The following SYNE1 variants were observed in gnomAD, a reference collection of about 807,000 sequenced individuals.
SYNE1 encodes the protein nesprin-1.
A neutral mutation model predicts 1,111.0 loss-of-function variants in SYNE1; 616 were observed. The observed-to-expected ratio is 0.55, with a 90% CI of 0.52 to 0.59. The LOEUF (loss-of-function observed/expected upper bound fraction) is 0.59, where lower values mean the gene tolerates loss of function less well. SYNE1 is among the 20% of genes least tolerant of loss of function. SYNE1 has a pLI of 0.00. For synonymous variants in SYNE1, 3,855 were observed against 3,825.8 expected, an observed-to-expected ratio of 1.01 and a Z score of -0.28; for missense variants, 10,006 against 10,417.0, an observed-to-expected ratio of 0.96 and a Z score of 1.72.
intron 3 of SYNE1, among the ~76,000 whole-genome samples, chr6:152,599,646 T>C (rs993043420): frequency 1.1e-4 from 17 of 152,204 alleles, no homozygotes; most frequent in Admixed American, 8.5e-4. Context: ...ACTATAAAAC[T>C]GCTCATTATG....
intron 11 of SYNE1, among the ~76,000 whole-genome samples, chr6:152,492,471 C>T (rs952421863): frequency 1.3e-5 from 2 of 152,224 alleles, no homozygotes; most frequent in African/African-American, 2.4e-5. Context: ...ACCTTCTCCC[C>T]CAGGATCTTG....
At chr6:152,571,446 G>A (rs1391553028) in intron 3 of SYNE1, among the ~76,000 whole-genome samples, 1 of 152,148 alleles carries the variant, frequency 6.6e-6, no homozygotes, top group East Asian at 1.9e-4. Context: ...ACATGTATAT[G>A]AATCCTGTAG....
At chr6:152,168,760 C>T in intron 130 of SYNE1, among the ~76,000 whole-genome samples, 1 of 152,074 alleles carries the variant, frequency 6.6e-6, no homozygotes. Flanking sequence ...AAAGTACATG[C>T]TCTTTATCTT....
In SYNE1 at chr6:152,326,003, C is replaced by A; in HGVS notation, c.15393G>T (p.Lys5131Asn). The A allele has an allele frequency of 6.2e-7, 1 of 1,614,120 alleles. No individual in the cohort carries two copies. ...EKKLSEFSLLKTSSSHEAEEK... is the reference protein window; with the variant it reads ...EKKLSEFSLLNTSSSHEAEEK... ...CTTCCGCTTCATGACTAGACGAAGT[C>A]TTCAACAAAGAAAACTCAGACAATT... The change falls in exon 80 of 146, where the codon AAG becomes AAT. Residue 5131 changes from lysine (K) to asparagine (N), a missense_variant. Lys to Asn is a moderately conservative substitution (Grantham distance 94, BLOSUM62 0). Around this residue, in one of 7 missense-constraint regions of SYNE1, gnomAD observed 4,955 missense variants for 5,017.2 expected, o/e 0.99. Coordinates refer to ENST00000367255, the MANE Select transcript of SYNE1 (RefSeq NM_182961.4).
intron 3 of SYNE1, among the ~76,000 whole-genome samples, chr6:152,549,079 T>G (rs182236427): frequency 6.6e-6 from 1 of 152,216 alleles, no homozygotes; most frequent in Non-Finnish European, 1.5e-5. Context: ...ACCTTGGATC[T>G]TCAAGCTCAG....
chr6:152,463,560 A>G, intron 18 of SYNE1, 43 bp from the exon 19 acceptor site: 1 of 1,512,494 alleles, frequency 6.6e-7, no homozygotes, highest in Non-Finnish European at 9.2e-7. Flanking sequence ...CATAAACCAA[A>G]TATCAGTGAC....
intron 23 of SYNE1, 30 bp downstream of exon 23, chr6:152,455,856 C>A: frequency 6.2e-7 from 1 of 1,613,804 alleles, no homozygotes. Flanking sequence ...TTCCCTGGCT[C>A]ACAGCTCTAA....
At chr6:152,304,484 G>A (rs1233536724) in intron 91 of SYNE1, among the ~76,000 whole-genome samples, 2 of 152,162 alleles carry the variant, frequency 1.3e-5, no homozygotes, top group South Asian at 4.2e-4. Flanking sequence ...ATAGGCACGC[G>A]CCACCATGCC....
Position 152,283,973 on chromosome 6 carries a change from G to A in SYNE1, c.18207+5C>T, listed in dbSNP as rs2094178336. ...TGAGGAGGCCACTTTACAGTTATTGGTTACCTCCAAAAGCTGCCGTTTCCC... is the reference window on the plus strand; with the variant it reads ...TGAGGAGGCCACTTTACAGTTATTGATTACCTCCAAAAGCTGCCGTTTCCC... On this transcript the variant is annotated splice_donor_5th_base_variant and intron_variant, in intron 96 of 145. Coordinates refer to ENST00000367255, the MANE Select transcript of SYNE1 (RefSeq NM_182961.4). The A allele has an allele frequency of 1.9e-6, 3 of 1,613,152 alleles. No individual in the cohort carries two copies. The highest frequency in any genetic ancestry group is 1.3e-5 in the African/African-American group (1 of 74,908).
chr6:152,624,727 C>A (rs2099682487), intron 3 of SYNE1, among the ~76,000 whole-genome samples: 1 of 152,148 alleles, frequency 6.6e-6, no homozygotes. Context: ...TTCAGTATCC[C>A]AGCCTAAAAC....
chr6:152,362,067 T>A lies in SYNE1; in HGVS notation c.10299+103A>T. The A allele has an allele frequency of 2.0e-6, 3 of 1,504,144 alleles. No homozygotes were observed. In the South Asian group the frequency reaches 3.4e-5, roughly 17 times the overall value. The allele number at this position is 1,504,144 out of a possible 1,614,324, so 93.2% of individuals were successfully genotyped here. On this transcript the variant is annotated intron_variant, in intron 64 of 145. Transcript: ENST00000367255. ...CTAAAAGCCCCAAACGTAATTTGCT[T>A]ATGTGCACTGCCCTAGGGTACACGT...
intron 73 of SYNE1, among the ~76,000 whole-genome samples, chr6:152,345,619 AT>A (rs1158585959): frequency 1.3e-5 from 2 of 151,876 alleles, no homozygotes; most frequent in East Asian, 1.9e-4. Flanking sequence ...GTCACTCAGA[AT>A]TTTTTTTATT....
intron 38 of SYNE1, 137 bp from the exon 39 acceptor site, chr6:152,425,684 T>C (rs935810586): frequency 1.9e-5 from 19 of 990,788 alleles, no homozygotes; most frequent in African/African-American, 3.2e-5. Flanking sequence ...AAGAGAGTTT[T>C]TATTACTTGA....
chr6:152,187,966 T>A (rs1268836584), intron 128 of SYNE1, among the ~76,000 whole-genome samples: 1 of 152,172 alleles, frequency 6.6e-6, no homozygotes, highest in Non-Finnish European at 1.5e-5. Flanking sequence ...CCTCAGGTGA[T>A]CCACCCGCCT....
chr6:152,230,191 C>G (rs1459097350), intron 115 of SYNE1, among the ~76,000 whole-genome samples: 1 of 152,092 alleles, frequency 6.6e-6, no homozygotes, highest in South Asian at 2.1e-4. Context: ...AGCACCACCA[C>G]GTCTGGCTGA....
chr6:152,341,459 C>T (rs1402106849), intron 74 of SYNE1, among the ~76,000 whole-genome samples: 1 of 152,238 alleles, frequency 6.6e-6, no homozygotes, highest in Non-Finnish European at 1.5e-5. Flanking sequence ...TCTTATAGTA[C>T]TTTTTCCCAT....
At chr6:152,389,812 T>C (rs2097580020) in intron 53 of SYNE1, among the ~76,000 whole-genome samples, 1 of 152,188 alleles carries the variant, frequency 6.6e-6, no homozygotes, top group African/African-American at 2.4e-5. Flanking sequence ...TATTCCCTCG[T>C]CACTGTGACA....
At chr6:152,561,863 A>G (rs538039136) in intron 3 of SYNE1, among the ~76,000 whole-genome samples, 1 of 152,332 alleles carries the variant, frequency 6.6e-6, no homozygotes, top group East Asian at 1.9e-4. Context: ...CCACATGCAA[A>G]TAAGTGAAAC....
chr6:152,442,614 T>TA (rs2098541882), intron 30 of SYNE1, among the ~76,000 whole-genome samples: 1 of 152,184 alleles, frequency 6.6e-6, no homozygotes, highest in Admixed American at 6.5e-5. Flanking sequence ...CTCCAATTTT[T>TA]AAAAATTATT....
Sources: gnomAD v4.1 joint callset for allele counts (sites outside exome capture counted in the v4.1 genomes callset) on GRCh38, gnomAD v4.1.1 for gene constraint, gnomAD v4.1.1 regional missense constraint, MANE v1.5 for transcripts, NCBI Gene and HGNC (gene_info 2026-07-23, HGNC 2026-07-21) for gene names.